The following DPP10 variants were observed in gnomAD, a reference collection of about 807,000 sequenced individuals.
DPP10 encodes dipeptidyl peptidase like 10.
DPP10 carries 33 observed loss-of-function variants against 120.9 expected under a neutral mutation model. That is an observed-to-expected ratio of 0.27 (90% CI 0.21 to 0.37). The LOEUF (loss-of-function observed/expected upper bound fraction) is 0.37. Ranked by LOEUF, DPP10 falls within the 10% of genes least tolerant of loss-of-function variation. DPP10 has a pLI of 1.00. For missense variants in DPP10, 816 were observed against 942.8 expected (o/e 0.87, Z 1.76); for synonymous variants, 337 against 326.1 (o/e 1.03, Z -0.36).
At chr2:115,759,641 AT>A (rs1358799343) in intron 11 of DPP10, among the ~76,000 whole-genome samples, 1 of 151,894 alleles carries the variant, frequency 6.6e-6, no homozygotes. Flanking sequence ...TGTAAACACA[AT>A]TTTTTTGTTT....
intron 3 of DPP10, among the ~76,000 whole-genome samples, chr2:115,472,680 G>T (rs1257803520): frequency 6.6e-6 from 1 of 152,108 alleles, no homozygotes; most frequent in Non-Finnish European, 1.5e-5. Flanking sequence ...TCTACTGTGT[G>T]CATCTTTACT....
chr2:114,935,211 C>A (rs1014021298), intron 1 of DPP10, among the ~76,000 whole-genome samples: 2 of 152,144 alleles, frequency 1.3e-5, no homozygotes, highest in African/African-American at 4.8e-5. Flanking sequence ...CGATCTTGAT[C>A]TATGAGATAC....
At chr2:114,599,869 G>T (rs1249960506) in intron 1 of DPP10, among the ~76,000 whole-genome samples, 3 of 151,508 alleles carry the variant, frequency 2.0e-5, no homozygotes, top group African/African-American at 4.8e-5. Context: ...TGTAGTTCAT[G>T]ATTTTTTTCT....
chr2:114,581,405 G>A (rs890280160), intron 1 of DPP10, among the ~76,000 whole-genome samples: 1 of 151,892 alleles, frequency 6.6e-6, no homozygotes, highest in Non-Finnish European at 1.5e-5. Context: ...GGATGGTCTC[G>A]ACCTCCTGAC....
intron 1 of DPP10, among the ~76,000 whole-genome samples, chr2:115,059,738 A>C (rs1167102327): frequency 1.4e-5 from 2 of 147,844 alleles, no homozygotes; most frequent in South Asian, 2.1e-4. Context: ...GATGGCGGGG[A>C]CGGGAAGGAG....
At chr2:115,024,085 A>G (rs1703275017) in intron 1 of DPP10, among the ~76,000 whole-genome samples, 1 of 152,078 alleles carries the variant, frequency 6.6e-6, no homozygotes, top group African/African-American at 2.4e-5. Context: ...GGGTGCACCA[A>G]AATCTCAGAA....
At chr2:114,547,398 G>T (rs929607250) in intron 1 of DPP10, among the ~76,000 whole-genome samples, 3 of 152,124 alleles carry the variant, frequency 2.0e-5, no homozygotes, top group African/African-American at 7.2e-5. Context: ...ACATTAAATA[G>T]CAAACAAAAG....
intron 1 of DPP10, among the ~76,000 whole-genome samples, chr2:114,571,757 G>T (rs1689666728): frequency 6.6e-6 from 1 of 151,148 alleles, no homozygotes; most frequent in Admixed American, 6.6e-5. Flanking sequence ...GTCACTCAAG[G>T]TATTCAAGCA....
chr2:115,135,951 G>T (rs1177996118), intron 1 of DPP10, among the ~76,000 whole-genome samples: 1 of 152,100 alleles, frequency 6.6e-6, no homozygotes, highest in Non-Finnish European at 1.5e-5. Context: ...GAGCAGTCAG[G>T]CTTGCTAATT....
intron 3 of DPP10, among the ~76,000 whole-genome samples, chr2:115,430,409 T>A (rs946260966): frequency 2.9e-4 from 44 of 152,254 alleles, no homozygotes; most frequent in Admixed American, 9.2e-4. Context: ...AAAAACAAGT[T>A]TATCTGTGAA....
At chr2:115,568,667 A>C (rs1327434856) in intron 5 of DPP10, among the ~76,000 whole-genome samples, 1 of 150,750 alleles carries the variant, frequency 6.6e-6, no homozygotes, top group South Asian at 2.1e-4. Flanking sequence ...CATCACTCTC[A>C]ATTTTTTTTT....
intron 19 of DPP10, among the ~76,000 whole-genome samples, chr2:115,806,664 T>C (rs1686007093): frequency 6.6e-6 from 1 of 152,200 alleles, no homozygotes; most frequent in African/African-American, 2.4e-5. Flanking sequence ...TGCACACATA[T>C]GTATCCTTCG....
rs978844083 is a variant in DPP10 at position 115,227,130 on chromosome 2, G to A, written c.61-82109G>A. Among the ~76,000 whole-genome samples the A allele has an allele frequency of 5.9e-5, 9 of 152,048 alleles. No individual in the cohort carries two copies. The East Asian group carries it at 1.7e-3, about 29-fold the overall frequency. ...ACCTAACATCAAGATATTTGCGTGG[G>A]ACCAATCTTCTCAAGATTTGATTTT... On this transcript the variant is annotated intron_variant, in intron 1 of 25. Coordinates refer to ENST00000410059, the MANE Select transcript of DPP10 (RefSeq NM_020868.6).
chr2:114,663,242 GTGTA>G (rs1426553255), intron 1 of DPP10, among the ~76,000 whole-genome samples: 1 of 134,022 alleles, frequency 7.5e-6, no homozygotes, highest in African/African-American at 2.6e-5. Context: ...AGCCTTGTGT[GTGTA>G]TATATATATA....
rs373255689 is a variant in DPP10 at position 115,361,056 on chromosome 2, G to T, written c.271+17144G>T. On this transcript the variant is annotated intron_variant, in intron 3 of 25. Transcript: ENST00000410059. ...CAAGCCTTTTGTTCTCCGATTGCTT[G>T]TCTGTTAGGTGCTGCAGGGCATGGA... 2.9e-4 allele frequency among the ~76,000 whole-genome samples: 44 copies of T among 152,270 alleles called. 1 individual carries two copies. The highest frequency in any genetic ancestry group is 1.1e-3 in the African/African-American group (44 of 41,564).
intron 3 of DPP10, among the ~76,000 whole-genome samples, chr2:115,450,434 T>G (rs1295874754): frequency 6.6e-6 from 1 of 152,018 alleles, no homozygotes; most frequent in Non-Finnish European, 1.5e-5. Flanking sequence ...ATCATCTGGA[T>G]TCTAACTGAA....
At chr2:115,083,328 A>G (rs915216737) in intron 1 of DPP10, among the ~76,000 whole-genome samples, 16 of 152,172 alleles carry the variant, frequency 1.1e-4, no homozygotes, top group Admixed American at 6.5e-5. Context: ...CTGAATATAT[A>G]ATCTGACAGT....
At chr2:114,451,533 A>G (rs1317084375) in intron 1 of DPP10, among the ~76,000 whole-genome samples, 1 of 152,150 alleles carries the variant, frequency 6.6e-6, no homozygotes, top group Non-Finnish European at 1.5e-5. Context: ...AGAAAGGGAA[A>G]GAAAATAGTT....
intron 1 of DPP10, among the ~76,000 whole-genome samples, chr2:115,262,449 C>T (rs946709511): frequency 6.6e-6 from 1 of 151,812 alleles, no homozygotes. Context: ...TTTCAGAAAC[C>T]TAAAATGTCA....
Sources: allele counts gnomAD v4.1 joint callset (sites outside exome capture counted in the v4.1 genomes callset), GRCh38; gene constraint gnomAD v4.1.1; transcripts MANE v1.5; gene names NCBI Gene and HGNC (gene_info 2026-07-23, HGNC 2026-07-21).